Variants in MRTFA observed in about 807,000 individuals in gnomAD.
MRTFA encodes myocardin related transcription factor A.
MRTFA carries 20 observed loss-of-function variants against 83.5 expected under a neutral mutation model. The observed-to-expected ratio is 0.24, with a 90% CI of 0.17 to 0.35. The LOEUF (loss-of-function observed/expected upper bound fraction) is 0.35. MRTFA is among the 10% of genes least tolerant of loss of function. The pLI is 1.00. For synonymous variants in MRTFA, 659 were observed against 541.2 expected, an observed-to-expected ratio of 1.22 and a Z score of -3.02; for missense variants, 1,200 against 1,224.7, an observed-to-expected ratio of 0.98 and a Z score of 0.30.
intron 4 of MRTFA, among the ~76,000 whole-genome samples, chr22:40,443,988 C>T (rs776796625): frequency 2.0e-5 from 3 of 152,286 alleles, no homozygotes; most frequent in Non-Finnish European, 4.4e-5. Flanking sequence ...CTGGAACTCT[C>T]GCCCCGAATG....
chr22:40,553,588 G>A (rs1199473268), intron 2 of MRTFA, among the ~76,000 whole-genome samples: 11 of 152,188 alleles, frequency 7.2e-5, no homozygotes, highest in Admixed American at 7.2e-4. Context: ...TGAGGTTTGG[G>A]AACCTCCACC....
chr22:40,598,063 A>G (rs2056213982), intron 1 of MRTFA, among the ~76,000 whole-genome samples: 1 of 152,196 alleles, frequency 6.6e-6, no homozygotes, highest in Non-Finnish European at 1.5e-5. Context: ...TACAACAGAA[A>G]AAGTCAACTC....
At chr22:40,461,059 G>A (rs905095671) in intron 4 of MRTFA, among the ~76,000 whole-genome samples, 1 of 151,614 alleles carries the variant, frequency 6.6e-6, no homozygotes, top group African/African-American at 2.4e-5. Context: ...AATTAGCCAG[G>A]CATGATGGCT....
intron 3 of MRTFA, among the ~76,000 whole-genome samples, chr22:40,547,533 G>A (rs528006001): frequency 6.6e-6 from 1 of 152,076 alleles, no homozygotes; most frequent in Non-Finnish European, 1.5e-5. Context: ...GTGTGCCTGG[G>A]AGCTAAGGGA....
At chr22:40,584,450 G>A (rs2055995120) in intron 2 of MRTFA, among the ~76,000 whole-genome samples, 1 of 152,198 alleles carries the variant, frequency 6.6e-6, no homozygotes, top group East Asian at 1.9e-4. Flanking sequence ...AAAATGCTAA[G>A]TCTCAGGCAG....
chr22:40,524,056 A>G (rs531530263), intron 3 of MRTFA, among the ~76,000 whole-genome samples: 6 of 152,236 alleles, frequency 3.9e-5, no homozygotes, highest in African/African-American at 1.4e-4. Flanking sequence ...ATAGTCAATG[A>G]GCAAAATATA....
At chr22:40,439,549 C>CT (rs926810560) in intron 4 of MRTFA, among the ~76,000 whole-genome samples, 57 of 133,008 alleles carry the variant, frequency 4.3e-4, no homozygotes, top group Non-Finnish European at 5.3e-4. Flanking sequence ...AGAAAAGAAA[C>CT]TGTTGGGTAG....
chr22:40,437,220 GTAAA>G (rs1257736714), intron 4 of MRTFA, among the ~76,000 whole-genome samples: 1 of 152,034 alleles, frequency 6.6e-6, no homozygotes, highest in East Asian at 1.9e-4. Context: ...ATTTCAGTGG[GTAAA>G]TAGACACCCC....
chr22:40,420,361 AG>A (rs774048073), intron 11 of MRTFA, 43 bp downstream of exon 11: 3 of 1,589,908 alleles, frequency 1.9e-6, no homozygotes, highest in East Asian at 4.5e-5. Context: ...CCCTGTGGGA[AG>A]GGCCAGGCTG....
At chr22:40,447,537 G>GAAAC (rs2053404403) in intron 4 of MRTFA, among the ~76,000 whole-genome samples, 2 of 151,998 alleles carry the variant, frequency 1.3e-5, no homozygotes, top group African/African-American at 4.8e-5. Flanking sequence ...AGAGTGGGTG[G>GAAAC]AAACACAGGG....
At chr22:40,463,082 G>T in intron 4 of MRTFA, 139 bp downstream of exon 4, 2 of 746,682 alleles carry the variant, frequency 2.7e-6, no homozygotes, top group Non-Finnish European at 4.6e-6. Flanking sequence ...TCTAAACTTG[G>T]AAAGTCATGA....
rs543778985 is a variant in MRTFA at position 40,423,669 on chromosome 22, G to A, written c.794C>T (p.Pro265Leu). The A allele has an allele frequency of 4.5e-6, 7 of 1,570,352 alleles. No individual in the cohort carries two copies. The highest frequency in any genetic ancestry group is 4.6e-5 in the East Asian group (2 of 43,110). The change falls in exon 9 of 15, where the codon CCG becomes CTG. Residue 265 changes from proline to leucine, a missense_variant. Coordinates refer to ENST00000355630, the MANE Select transcript of MRTFA (RefSeq NM_020831.6). Reference sequence around the variant, plus strand: ...CATTTCTCTGGAATCCCGGCCCATCGGAAGTTGAGACACAACCTGAGAGGG... The same window carrying A: ...CATTTCTCTGGAATCCCGGCCCATCAGAAGTTGAGACACAACCTGAGAGGG...
intron 4 of MRTFA, among the ~76,000 whole-genome samples, chr22:40,453,398 G>A (rs752959075): frequency 3.9e-5 from 6 of 152,150 alleles, no homozygotes; most frequent in East Asian, 1.9e-4. Flanking sequence ...GGCACTGACC[G>A]GACTGGGGCA....
chr22:40,634,963 TA>T (rs2056678838), intron 1 of MRTFA, among the ~76,000 whole-genome samples: 1 of 152,216 alleles, frequency 6.6e-6, no homozygotes, highest in Admixed American at 6.5e-5. Context: ...GAAGCCTTCT[TA>T]AAAACGGGCT....
chr22:40,573,471 T>C (rs904739309), intron 2 of MRTFA, among the ~76,000 whole-genome samples: 2 of 152,184 alleles, frequency 1.3e-5, no homozygotes, highest in African/African-American at 4.8e-5. Flanking sequence ...GCCAGGCTGG[T>C]CTCAAACTCC....
At chr22:40,456,107 T>G (rs541162282) in intron 4 of MRTFA, among the ~76,000 whole-genome samples, 230 of 152,248 alleles carry the variant, frequency 1.5e-3, no homozygotes, top group African/African-American at 4.2e-3. Context: ...TCCAAGTATT[T>G]AATAAAGATA....
chr22:40,518,469 G>A (rs2054798718), intron 3 of MRTFA, among the ~76,000 whole-genome samples: 1 of 151,860 alleles, frequency 6.6e-6, no homozygotes, highest in Admixed American at 6.6e-5. Context: ...CATCAGAGGT[G>A]GAGTGTTGAA....
intron 4 of MRTFA, among the ~76,000 whole-genome samples, chr22:40,440,474 T>C (rs2053254246): frequency 6.6e-6 from 1 of 152,268 alleles, no homozygotes. Flanking sequence ...TTTCCTCATT[T>C]TTAATTCTTC....
At chr22:40,414,438 T>C (rs9611343) in intron 14 of MRTFA, among the ~76,000 whole-genome samples, 20,857 of 152,186 alleles carry the variant, frequency 0.14, 2,835 homozygotes, top group African/African-American at 0.35. Flanking sequence ...ACTTGTACAC[T>C]GACATTCACA....
Sources: allele counts gnomAD v4.1 joint callset (sites outside exome capture counted in the v4.1 genomes callset), GRCh38; gene constraint gnomAD v4.1.1; transcripts MANE v1.5; gene names NCBI Gene and HGNC (gene_info 2026-07-23, HGNC 2026-07-21).